The following COL24A1 variants were observed in gnomAD, a reference collection of about 807,000 sequenced individuals.
The protein encoded by COL24A1 is collagen alpha-1(XXIV) chain.
A neutral mutation model predicts 253.9 loss-of-function variants in COL24A1; 224 were observed. The ratio of observed to expected loss-of-function variants is 0.88; its 90% CI spans 0.79 to 0.99. The LOEUF is 0.99. Among genes scored for constraint, COL24A1 ranks in the 50% least tolerant of loss-of-function variants. The pLI, the probability that COL24A1 is intolerant of heterozygous loss-of-function variation, is 0.00. For synonymous variants in COL24A1, 685 were observed against 673.7 expected (o/e 1.02, Z -0.26); for missense variants, 2,131 against 2,068.5 (o/e 1.03, Z -0.59).
intron 24 of COL24A1, among the ~76,000 whole-genome samples, chr1:85,955,809 C>T (rs72712778): frequency 0.094 from 14,242 of 152,274 alleles, 927 homozygotes; most frequent in Non-Finnish European, 0.15. Flanking sequence ...GTGCTGAGCA[C>T]TTCTACGATA....
intron 5 of COL24A1, among the ~76,000 whole-genome samples, chr1:86,108,181 A>C (rs1705182847): frequency 6.6e-6 from 1 of 152,142 alleles, no homozygotes; most frequent in African/African-American, 2.4e-5. Context: ...ATATTTTTAA[A>C]ATTTATTTTT....
chr1:85,779,346 T>TA (rs1251853433), intron 52 of COL24A1, among the ~76,000 whole-genome samples: 1 of 151,868 alleles, frequency 6.6e-6, no homozygotes, highest in Non-Finnish European at 1.5e-5. Flanking sequence ...CGGAGACTTC[T>TA]AAAAAATTCT....
intron 3 of COL24A1, among the ~76,000 whole-genome samples, chr1:86,122,655 T>C (rs950083356): frequency 1.3e-5 from 2 of 152,056 alleles, no homozygotes; most frequent in Admixed American, 6.6e-5. Context: ...GATAGTCATC[T>C]TTTATTCTTT....
At chr1:85,909,538 C>T (rs1685168507) in intron 26 of COL24A1, among the ~76,000 whole-genome samples, 1 of 151,744 alleles carries the variant, frequency 6.6e-6, no homozygotes, top group Admixed American at 6.6e-5. Context: ...TACATCATGA[C>T]CACAAACTCA....
intron 8 of COL24A1, among the ~76,000 whole-genome samples, chr1:86,062,025 G>T (rs1480311936): frequency 6.6e-6 from 1 of 152,000 alleles, no homozygotes; most frequent in Admixed American, 6.6e-5. Flanking sequence ...TCATTTTGTG[G>T]ATAAAATAGA....
intron 37 of COL24A1, among the ~76,000 whole-genome samples, chr1:85,867,378 G>A (rs550789532): frequency 6.6e-6 from 1 of 152,332 alleles, no homozygotes; most frequent in African/African-American, 2.4e-5. Flanking sequence ...TGTGGTTTAT[G>A]GGAAGGAGTA....
chr1:85,740,935 C>A (rs1250569037), intron 57 of COL24A1, among the ~76,000 whole-genome samples: 2 of 108,558 alleles, frequency 1.8e-5, no homozygotes, highest in Non-Finnish European at 3.7e-5. Flanking sequence ...CGGTGAAACC[C>A]TGTCTCTTCT....
At chr1:85,971,194 C>T (rs752525294) in intron 21 of COL24A1, 146 bp downstream of exon 21, 1 of 693,310 alleles carries the variant, frequency 1.4e-6, no homozygotes, top group Admixed American at 2.8e-5. Context: ...GGGCAAGAGA[C>T]CAAGACTCTG....
At chr1:85,965,651 T>C (rs1417150975) in intron 22 of COL24A1, among the ~76,000 whole-genome samples, 1 of 152,004 alleles carries the variant, frequency 6.6e-6, no homozygotes, top group Non-Finnish European at 1.5e-5. Context: ...CCTTGACCCC[T>C]CAACCAACTT....
rs77867367 is a variant in COL24A1 at position 86,087,841 on chromosome 1, G to A, written c.1707+1333C>T. Among the ~76,000 whole-genome samples the A allele has an allele frequency of 9.4e-3, 1,438 of 152,170 alleles. 13 individuals are homozygous for A. The highest frequency in any genetic ancestry group is 0.022 in the African/African-American group (920 of 41,520). On this transcript the variant is annotated intron_variant, in intron 7 of 59. Transcript: ENST00000370571. ...TCACTGCAGTTTCATGTCTCCTTGC[G>A]GGGGCAACCAACAATCTCAAGGGAA...
At chr1:85,837,341 G>A (rs988220495) in intron 43 of COL24A1, among the ~76,000 whole-genome samples, 1 of 152,170 alleles carries the variant, frequency 6.6e-6, no homozygotes, top group Non-Finnish European at 1.5e-5. Flanking sequence ...GTTTTAGGGA[G>A]TGAAAGTTAA....
At chr1:85,803,679 A>G (rs1671673976) in intron 47 of COL24A1, among the ~76,000 whole-genome samples, 1 of 152,054 alleles carries the variant, frequency 6.6e-6, no homozygotes, top group South Asian at 2.1e-4. Flanking sequence ...CTGATTGTTA[A>G]TTGCTAGTAC....
chr1:85,875,697 A>T (rs1681069884), intron 33 of COL24A1, among the ~76,000 whole-genome samples: 1 of 149,668 alleles, frequency 6.7e-6, no homozygotes. Flanking sequence ...TAAGAGATAA[A>T]TTTATTCACA....
intron 24 of COL24A1, among the ~76,000 whole-genome samples, chr1:85,959,692 C>CA (rs1444386446): frequency 6.6e-6 from 1 of 152,040 alleles, no homozygotes; most frequent in Non-Finnish European, 1.5e-5. Flanking sequence ...CCTCCAGTGA[C>CA]AAAAATCTAC....
chr1:85,936,441 G>T (rs753371228), intron 24 of COL24A1, among the ~76,000 whole-genome samples: 1 of 147,470 alleles, frequency 6.8e-6, no homozygotes, highest in Non-Finnish European at 1.5e-5. Flanking sequence ...TATGACCCAA[G>T]GGGATAAAAG....
chr1:86,138,655 T>C (rs1424235581), intron 2 of COL24A1, among the ~76,000 whole-genome samples: 1 of 152,164 alleles, frequency 6.6e-6, no homozygotes, highest in Non-Finnish European at 1.5e-5. Flanking sequence ...TATATGGAAC[T>C]GTAAGTCCAC....
chr1:86,009,714 T>C (rs980524840), intron 19 of COL24A1, among the ~76,000 whole-genome samples: 5 of 152,176 alleles, frequency 3.3e-5, no homozygotes, highest in African/African-American at 9.7e-5. Context: ...GCCTAGGGCA[T>C]TACTGTACAC....
chr1:85,870,282 G>A (rs958726649), intron 35 of COL24A1, among the ~76,000 whole-genome samples: 3 of 152,306 alleles, frequency 2.0e-5, no homozygotes, highest in East Asian at 1.9e-4. Flanking sequence ...ACATTAGACA[G>A]ATCAATGAGA....
chr1:85,961,681 C>T (rs1691079203), intron 23 of COL24A1, among the ~76,000 whole-genome samples: 1 of 152,116 alleles, frequency 6.6e-6, no homozygotes, highest in South Asian at 2.1e-4. Flanking sequence ...ACTCACAGTT[C>T]CACGGTTTAA....
Sources: allele counts gnomAD v4.1 joint callset (sites outside exome capture counted in the v4.1 genomes callset), GRCh38; gene constraint gnomAD v4.1.1; transcripts MANE v1.5; gene names NCBI Gene and HGNC (gene_info 2026-07-23, HGNC 2026-07-21).